Variants in PIGB observed in about 807,000 individuals in gnomAD.
PIGB encodes GPI alpha-1,2-mannosyltransferase 3.
PIGB carries 58 observed loss-of-function variants against 68.4 expected under a neutral mutation model. The observed-to-expected ratio is 0.85, with a 90% CI of 0.69 to 1.06. PIGB has a LOEUF of 1.06. PIGB is among the 50% of genes least tolerant of loss of function. The pLI is 0.00. For missense variants in PIGB, 634 were observed against 655.8 expected (o/e 0.97, Z 0.36); for synonymous variants, 219 against 220.5 (o/e 0.99, Z 0.06).
chr15:55,344,430 A>G (rs182704029), intron 9 of PIGB, among the ~76,000 whole-genome samples: 1 of 152,374 alleles, frequency 6.6e-6, no homozygotes, highest in Non-Finnish European at 1.5e-5. Flanking sequence ...AGGGCTTGGA[A>G]TTTGCATACT....
intron 10 of PIGB, among the ~76,000 whole-genome samples, chr15:55,353,337 A>G (rs901692209): frequency 4.6e-5 from 7 of 152,302 alleles, no homozygotes; most frequent in Non-Finnish European, 2.9e-5. Context: ...TTTTCTGAGG[A>G]ATTTCTGCTT....
At chr15:55,336,212 T>C (rs1315471903) in intron 6 of PIGB, among the ~76,000 whole-genome samples, 9 of 151,904 alleles carry the variant, frequency 5.9e-5, no homozygotes. Flanking sequence ...TGAGACCCCA[T>C]CTCAACAAAA....
chr15:55,347,427 C>A (rs1208167201), intron 9 of PIGB, among the ~76,000 whole-genome samples: 1 of 152,096 alleles, frequency 6.6e-6, no homozygotes, highest in Non-Finnish European at 1.5e-5. Context: ...GAGTCCATCT[C>A]AAAAAAATAA....
intron 9 of PIGB, among the ~76,000 whole-genome samples, chr15:55,348,815 C>CT (rs1220994257): frequency 6.6e-6 from 1 of 152,130 alleles, no homozygotes; most frequent in African/African-American, 2.4e-5. Context: ...TTTAATGTAG[C>CT]TTTTTGTATT....
chr15:55,341,063 TAAAAA>T (rs11353654), intron 8 of PIGB, among the ~76,000 whole-genome samples: 1 of 144,868 alleles, frequency 6.9e-6, no homozygotes, highest in African/African-American at 2.5e-5. Flanking sequence ...TTATTTGCTT[TAAAAA>T]AAAAAAAAAC....
chr15:55,327,526 T>G lies in PIGB; in HGVS notation c.418-5T>G. On this transcript the variant is annotated splice_region_variant and splice_polypyrimidine_tract_variant and intron_variant, in intron 3 of 11. Transcript: ENST00000164305. ...ACATCCTGTTCTTCTTTTTAACTGA[T>G]GAAGATTTGGATTCCTAGACTTGCC... The G allele has an allele frequency of 6.3e-7, 1 of 1,579,404 alleles. No individual in the cohort carries two copies. The highest frequency in any genetic ancestry group is 8.7e-7 in the Non-Finnish European group (1 of 1,154,556).
intron 6 of PIGB, among the ~76,000 whole-genome samples, chr15:55,338,417 G>A (rs902908945): frequency 1.3e-5 from 2 of 152,104 alleles, no homozygotes; most frequent in African/African-American, 4.8e-5. Context: ...AGGCCAATGG[G>A]GAAGTACTGC....
chr15:55,349,659 A>C (rs1163491650), intron 9 of PIGB: 1 of 152,196 alleles, frequency 6.6e-6, no homozygotes, highest in Non-Finnish European at 1.5e-5. Flanking sequence ...CCAACTCATG[A>C]GGTATGAACT....
At chr15:55,335,582 G>A (rs1384855958) in intron 6 of PIGB, among the ~76,000 whole-genome samples, 1 of 152,120 alleles carries the variant, frequency 6.6e-6, no homozygotes. Flanking sequence ...AATAATTGTG[G>A]GATAAGAAGG....
intron 9 of PIGB, among the ~76,000 whole-genome samples, chr15:55,349,217 G>T (rs1349199389): frequency 7.0e-6 from 1 of 143,466 alleles, no homozygotes; most frequent in East Asian, 2.1e-4. Context: ...TAGAGACAGG[G>T]TGTCACCCAG....
intron 1 of PIGB, 34 bp downstream of exon 1, chr15:55,319,447 C>G (rs1436414323): frequency 6.6e-7 from 1 of 1,516,792 alleles, no homozygotes; most frequent in South Asian, 1.2e-5. Flanking sequence ...AGAGCTCCTA[C>G]CCCCATCTAA....
chr15:55,343,015 A>C (rs2055707026), intron 9 of PIGB: 2 of 152,148 alleles, frequency 1.3e-5, no homozygotes, highest in Admixed American at 1.3e-4. Flanking sequence ...TACAGTTTTC[A>C]AACTTATTTT....
chr15:55,319,450 C>T (rs927779698), intron 1 of PIGB, 37 bp downstream of exon 1: 3 of 1,511,040 alleles, frequency 2.0e-6, no homozygotes, highest in African/African-American at 2.8e-5. Context: ...GCTCCTACCC[C>T]CATCTAAAAG....
chr15:55,338,981 T>C (rs1013016308), intron 6 of PIGB, among the ~76,000 whole-genome samples: 1 of 152,222 alleles, frequency 6.6e-6, no homozygotes, highest in Admixed American at 6.5e-5. Flanking sequence ...ATGGTAAATA[T>C]TCATAGTTTA....
At chr15:55,353,601 T>G (rs2055978879) in intron 10 of PIGB, among the ~76,000 whole-genome samples, 1 of 152,156 alleles carries the variant, frequency 6.6e-6, no homozygotes, top group African/African-American at 2.4e-5. Context: ...TTTTTTATAC[T>G]CTAATCTTTT....
chr15:55,321,646 CTTTTTTTTTTT>C (rs966940527), intron 3 of PIGB, among the ~76,000 whole-genome samples: 2 of 68,350 alleles, frequency 2.9e-5, no homozygotes, highest in Non-Finnish European at 5.2e-5. Flanking sequence ...ATACTTCTTT[CTTTTTTTTTTT>C]TTTTTTTTTT....
At chr15:55,319,550 C>T in intron 1 of PIGB, 137 bp downstream of exon 1, 1 of 625,068 alleles carries the variant, frequency 1.6e-6, no homozygotes, top group East Asian at 3.0e-5. Flanking sequence ...ATGCTGGAAA[C>T]ACAGATTTTA....
chr15:55,332,594 A>T (rs2055442951), intron 5 of PIGB, among the ~76,000 whole-genome samples: 1 of 151,126 alleles, frequency 6.6e-6, no homozygotes, highest in African/African-American at 2.4e-5. Context: ...ACTGGTCTTG[A>T]ACTCCTGACT....
At chr15:55,346,333 TG>T (rs1595798807) in intron 9 of PIGB, 1 of 152,228 alleles carries the variant, frequency 6.6e-6, no homozygotes, top group African/African-American at 2.4e-5. Context: ...AGTAGTCTGA[TG>T]AACATGATCT....
Sources: gnomAD v4.1 joint callset for allele counts (sites outside exome capture counted in the v4.1 genomes callset) on GRCh38, gnomAD v4.1.1 for gene constraint, MANE v1.5 for transcripts, NCBI Gene and HGNC (gene_info 2026-07-23, HGNC 2026-07-21) for gene names.